NUP210: variants seen among roughly 807,000 people sequenced by gnomAD.
NUP210 encodes nucleoporin 210.
NUP210 carries 151 observed loss-of-function variants against 196.0 expected under a neutral mutation model. That is an observed-to-expected ratio of 0.77 (90% CI 0.67 to 0.88). The LOEUF (loss-of-function observed/expected upper bound fraction) is 0.88, where lower values mean the gene tolerates loss of function less well. Ranked by LOEUF, NUP210 falls within the 40% of genes least tolerant of loss-of-function variation. NUP210 has a pLI of 0.00. For missense variants in NUP210, 2,314 were observed against 2,493.7 expected (o/e 0.93, Z 1.53); for synonymous variants, 1,070 against 1,052.7 (o/e 1.02, Z -0.32).
At chr3:13,381,893 A>G (rs1699113863) in intron 6 of NUP210, among the ~76,000 whole-genome samples, 1 of 152,052 alleles carries the variant, frequency 6.6e-6, no homozygotes, top group Admixed American at 6.5e-5. Context: ...TCCAGGGATG[A>G]CCATGGAGCT....
At chr3:13,360,193 A>G in intron 15 of NUP210, 77 bp downstream of exon 15, 1 of 1,253,082 alleles carries the variant, frequency 8.0e-7, no homozygotes, top group Non-Finnish European at 1.1e-6. Context: ...TCCAAGGAGT[A>G]AATAAAACAA....
intron 28 of NUP210, among the ~76,000 whole-genome samples, chr3:13,333,866 T>C (rs1697102016): frequency 1.3e-5 from 2 of 152,210 alleles, no homozygotes; most frequent in African/African-American, 4.8e-5. Context: ...TATTTCCCAC[T>C]TTCCTGTTAA....
chr3:13,357,889 C>T (rs1029440406), intron 16 of NUP210, among the ~76,000 whole-genome samples: 1 of 152,234 alleles, frequency 6.6e-6, no homozygotes, highest in Non-Finnish European at 1.5e-5. Context: ...CCCATTTTAA[C>T]ACCCTCAAGG....
chr3:13,375,557 T>C lies in NUP210; in HGVS notation c.1378A>G (p.Ile460Val). 6.2e-7 allele frequency: 1 copy of C among 1,614,156 alleles called. No individual in the cohort carries two copies. Among genetic ancestry groups the C allele is most frequent in the South Asian group, 1.1e-5 (1 of 91,076 alleles). ...TTTGGTTGCCACGGAAATGTCAAGATGCTGGGATACAGGGTGATCGGGATG... is the reference window on the plus strand; with the variant it reads ...TTTGGTTGCCACGGAAATGTCAAGACGCTGGGATACAGGGTGATCGGGATG... ...IHIPITLYPS[I>V]LTFPWQPKTG... The change falls in exon 11 of 40, where the codon ATC (isoleucine) becomes GTC (valine). Residue 460 changes from isoleucine (I) to valine (V), a missense_variant. Coordinates refer to ENST00000254508, the MANE Select transcript of NUP210 (RefSeq NM_024923.4).
chr3:13,342,066 G>C lies in NUP210; in HGVS notation c.3022C>G (p.Pro1008Ala), dbSNP rs776839486. Residue 1008 changes from proline to alanine, a missense_variant, in exon 22 of 40, where the codon CCC becomes GCC. By Grantham distance (27) the Pro-to-Ala change is conservative. Transcript: ENST00000254508. ...YVRVLDLHKKPFLAKYFPFMD... is the reference protein window; with the variant it reads ...YVRVLDLHKKAFLAKYFPFMD... ...AAGGGGAAGTATTTGGCAAGGAAGG[G>C]CTTCTTGTGCAAGTCCAGCACGCGG... The C allele has an allele frequency of 1.9e-6, 3 of 1,614,076 alleles. No individual in the cohort carries two copies. In the Admixed American group the frequency reaches 5.0e-5, roughly 27 times the overall value.
intron 17 of NUP210, 88 bp from the exon 18 acceptor site, chr3:13,353,748 C>A: frequency 7.5e-7 from 1 of 1,333,802 alleles, no homozygotes; most frequent in South Asian, 1.2e-5. Context: ...TTTGCAGTTT[C>A]GAATCTGAAA....
At chr3:13,359,330 T>C (rs1286226542) in intron 15 of NUP210, among the ~76,000 whole-genome samples, 1 of 152,168 alleles carries the variant, frequency 6.6e-6, no homozygotes, top group Admixed American at 6.5e-5. Flanking sequence ...TCATGAGGAA[T>C]TTTATTCTTC....
In NUP210 at chr3:13,376,367, C is replaced by A; in HGVS notation, c.1217G>T (p.Gly406Val). ...FFEVLSSSQN[G>V]SYHRIRALKR... ...TAGTGCCCTGATGCGATGGTATGAC[C>A]CATTCTGGGAGGACGAGAGCACCTC... Residue 406 changes from glycine (G) to valine (V), a missense_variant, in exon 10 of 40, where the codon GGG becomes GTG. Transcript: ENST00000254508. 1 of 1,614,192 alleles carries A rather than the reference C, an allele frequency of 6.2e-7. No homozygotes were observed. The highest frequency in any genetic ancestry group is 8.5e-7 in the Non-Finnish European group (1 of 1,180,010).
chr3:13,386,230 A>C (rs1486131043), intron 6 of NUP210, 45 bp downstream of exon 6: 1 of 1,578,286 alleles, frequency 6.3e-7, no homozygotes, highest in Non-Finnish European at 8.6e-7. Flanking sequence ...CAATAAAAAA[A>C]GGAGGAAGGA....
Position 13,379,215 on chromosome 3 carries a change from C to A in NUP210, c.977-235G>T, listed in dbSNP as rs868849733. Among the ~76,000 whole-genome samples, 7 of 152,192 alleles carry A rather than the reference C, an allele frequency of 4.6e-5. No individual in the cohort carries two copies. The highest frequency in any genetic ancestry group is 1.3e-4 in the Admixed American group (2 of 15,278). On this transcript the variant is annotated intron_variant, in intron 7 of 39. Transcript: ENST00000254508. The surrounding 1 kb of genome is among the most constrained non-coding windows in gnomAD (Gnocchi z 4.2). ...TCTGTGAGGGACACTGGAGACCGCA[C>A]AGGACACAACAACAAGTCTGGGGCA...
chr3:13,360,582 G>A (rs935969950), intron 14 of NUP210, 91 bp from the exon 15 acceptor site: 15 of 929,364 alleles, frequency 1.6e-5, no homozygotes, highest in Non-Finnish European at 2.3e-5. Context: ...CACCCCGCTT[G>A]TGGGGGCTGG....
At chr3:13,331,026 G>A (rs1398724297) in intron 29 of NUP210, among the ~76,000 whole-genome samples, 1 of 152,138 alleles carries the variant, frequency 6.6e-6, no homozygotes, top group Non-Finnish European at 1.5e-5. Flanking sequence ...CTGGCATAGT[G>A]GAGGATGGGG....
At chr3:13,360,647 TCA>T (rs1236894679) in intron 14 of NUP210, among the ~76,000 whole-genome samples, 156 bp from the exon 15 acceptor site, 1 of 152,164 alleles carries the variant, frequency 6.6e-6, no homozygotes, top group African/African-American at 2.4e-5. Flanking sequence ...TCTGCAGCAC[TCA>T]CAGGGATCAT....
intron 1 of NUP210, among the ~76,000 whole-genome samples, chr3:13,416,173 A>G (rs1001561721): frequency 6.6e-6 from 1 of 152,140 alleles, no homozygotes; most frequent in Non-Finnish European, 1.5e-5. Flanking sequence ...GAGAGGGTGT[A>G]CCCTGGTGCA....
Position 13,397,323 on chromosome 3 carries a change from C to G in NUP210, c.436+34G>C, listed in dbSNP as rs755322656. 3.1e-6 allele frequency: 5 copies of G among 1,599,856 alleles called. No individual in the cohort carries two copies. The Admixed American group carries it at 8.8e-5, about 28-fold the overall frequency. The stretch of plus-strand genomic sequence containing the variant: ...TGGTGGGGGGATGATCTAGCATGGG[C>G]TGCAGAAGACAAACAGGCAGGGGAC... On this transcript the variant is annotated intron_variant, in intron 3 of 39. Transcript: ENST00000254508.
At position 13,340,514 on chromosome 3, in the gene NUP210, T is replaced by C. The variant is rs1697432397; in HGVS notation, c.3229-216A>G. On this transcript the variant is annotated intron_variant, in intron 23 of 39. Transcript: ENST00000254508. This position sits in a 1 kb window ranked among gnomAD's most constrained non-coding sequence, Gnocchi z 4.0. Reference sequence around the variant, plus strand: ...CCTGGTTCTCTGGGGTGTGTTCTTCTGTTTGTGACTGTGTTTCACTTTCCC... The same window carrying C: ...CCTGGTTCTCTGGGGTGTGTTCTTCCGTTTGTGACTGTGTTTCACTTTCCC... 6.6e-6 allele frequency among the ~76,000 whole-genome samples: 1 copy of C among 152,170 alleles called. No individual in the cohort carries two copies. Among genetic ancestry groups the C allele is most frequent in the East Asian group, 1.9e-4 (1 of 5,184 alleles).
At chr3:13,335,287 T>C (rs1697164728) in intron 28 of NUP210, among the ~76,000 whole-genome samples, 167 bp downstream of exon 28, 1 of 152,132 alleles carries the variant, frequency 6.6e-6, no homozygotes, top group East Asian at 1.9e-4. Flanking sequence ...ATAGCACCAA[T>C]CACACCCGGA....
chr3:13,324,634 T>A (rs1696671982), intron 33 of NUP210, among the ~76,000 whole-genome samples: 1 of 152,184 alleles, frequency 6.6e-6, no homozygotes, highest in African/African-American at 2.4e-5. Flanking sequence ...TGCCTTTAGA[T>A]TCTGCCACAC....
At position 13,336,777 on chromosome 3, in the gene NUP210, G is replaced by T; in HGVS notation, c.3684+10C>A. ...GTGGGAGGTGAGCTCTGGAGGGGGT[G>T]GTTACCTACCTCGTGGTGCCGCCCT... is the stretch of plus-strand genomic sequence containing the variant. On this transcript the variant is annotated intron_variant, in intron 27 of 39. Coordinates refer to ENST00000254508, the MANE Select transcript of NUP210 (RefSeq NM_024923.4). 1.2e-6 allele frequency: 2 copies of T among 1,612,226 alleles called. No homozygotes were observed. Among genetic ancestry groups the T allele is most frequent in the South Asian group, 2.2e-5 (2 of 90,972 alleles).
Sources: gnomAD v4.1 joint callset for allele counts (sites outside exome capture counted in the v4.1 genomes callset) on GRCh38, gnomAD v4.1.1 for gene constraint, Gnocchi (gnomAD v3.1) non-coding constraint, MANE v1.5 for transcripts, NCBI Gene and HGNC (gene_info 2026-07-23, HGNC 2026-07-21) for gene names.